SLC35F1: variants seen among roughly 807,000 people sequenced by gnomAD.
The protein encoded by SLC35F1 is solute carrier family 35 member F1.
A neutral mutation model predicts 48.7 loss-of-function variants in SLC35F1; 14 were observed. That is an observed-to-expected ratio of 0.29 (90% CI 0.19 to 0.45). The LOEUF is 0.45. SLC35F1 is among the 20% of genes least tolerant of loss of function. SLC35F1 has a pLI of 1.00. For missense variants in SLC35F1, 404 were observed against 500.0 expected (o/e 0.81, Z 1.83); for synonymous variants, 190 against 202.2 (o/e 0.94, Z 0.51).
intron 2 of SLC35F1, among the ~76,000 whole-genome samples, chr6:118,188,985 G>C (rs1414518444): frequency 6.6e-6 from 1 of 152,084 alleles, no homozygotes; most frequent in African/African-American, 2.4e-5. Flanking sequence ...AGTCATGGCT[G>C]ACTGCAGCCT....
intron 1 of SLC35F1, among the ~76,000 whole-genome samples, chr6:118,033,370 C>A (rs750485397): frequency 3.3e-5 from 5 of 152,092 alleles, no homozygotes; most frequent in Non-Finnish European, 5.9e-5. Flanking sequence ...CATTAAGATG[C>A]ATATTCCTTG....
At chr6:117,996,381 A>T (rs1247098317) in intron 1 of SLC35F1, among the ~76,000 whole-genome samples, 2 of 152,178 alleles carry the variant, frequency 1.3e-5, no homozygotes, top group Admixed American at 1.3e-4. Flanking sequence ...GAGTGATGCA[A>T]AAGACAGGTG....
At chr6:118,196,951 T>G (rs941979696) in intron 2 of SLC35F1, among the ~76,000 whole-genome samples, 2 of 151,928 alleles carry the variant, frequency 1.3e-5, no homozygotes, top group Non-Finnish European at 2.9e-5. Flanking sequence ...AGAGACTGTC[T>G]TTTCCCCCAT....
intron 1 of SLC35F1, among the ~76,000 whole-genome samples, chr6:117,977,792 T>C (rs775878809): frequency 6.6e-5 from 10 of 152,150 alleles, no homozygotes; most frequent in Non-Finnish European, 1.0e-4. Context: ...GTTTTGGTCA[T>C]TGATTTTTCT....
Position 118,314,799 on chromosome 6 carries a change from G to C in SLC35F1, c.*547G>C, listed in dbSNP as rs760090277. 52 of 156,470 alleles carry C rather than the reference G, an allele frequency of 3.3e-4. No homozygotes were observed. Among genetic ancestry groups the C allele is most frequent in the Non-Finnish European group, 6.4e-4 (45 of 70,242 alleles). 9.7% of individuals were successfully genotyped at this position (156,470 alleles called of 1,614,324 possible). A position where few individuals can be genotyped will look rare whatever the true frequency, so the allele number is the denominator to read the frequency against. ...TGGTTAATGGTTTCCTCTGTTACCT[G>C]TTGGATTGCCTGCTCAATAAGTATT... On this transcript the variant is annotated 3_prime_UTR_variant, in exon 8 of 8. Transcript: ENST00000360388.
chr6:118,198,580 TTTAGAAAAA>T (rs1458092130), intron 2 of SLC35F1, among the ~76,000 whole-genome samples: 1 of 152,222 alleles, frequency 6.6e-6, no homozygotes, highest in Non-Finnish European at 1.5e-5. Flanking sequence ...CATAATTTAT[TTTAGAAAAA>T]TTAGAAAATA....
In SLC35F1 at chr6:118,316,919, A is replaced by G. The variant is rs185019581; in HGVS notation, c.*2667A>G. On this transcript the variant is annotated 3_prime_UTR_variant, in exon 8 of 8. Transcript: ENST00000360388. ...GAGTTCCAGACTGACCCTCCAGGAAAAAAAAAATCGCAAAGAACAAATTCT... is the reference window on the plus strand; with the variant it reads ...GAGTTCCAGACTGACCCTCCAGGAAGAAAAAAATCGCAAAGAACAAATTCT... 6.5e-6 allele frequency: 1 copy of G among 152,712 alleles called. No homozygotes were observed. Among genetic ancestry groups the G allele is most frequent in the East Asian group, 1.9e-4 (1 of 5,178 alleles). The allele number at this position is 152,712 out of a possible 1,614,324, so 9.5% of individuals were successfully genotyped here. A position where few individuals can be genotyped will look rare whatever the true frequency, so the allele number is the denominator to read the frequency against.
intron 2 of SLC35F1, 98 bp downstream of exon 2, chr6:118,154,718 A>G (rs1774114642): frequency 8.2e-7 from 1 of 1,214,496 alleles, no homozygotes; most frequent in Middle Eastern, 2.2e-4. Context: ...GCATCAGTTA[A>G]GATCATTGAA....
rs576407011 is a variant in SLC35F1 at position 117,984,313 on chromosome 6, C to T, written c.173+76414C>T. Reference sequence around the variant, plus strand: ...CGAGGTCAGGAGATCACCTGGCTAACGCAGTGAAACCCTGTCTCTACTAAA... The same window carrying T: ...CGAGGTCAGGAGATCACCTGGCTAATGCAGTGAAACCCTGTCTCTACTAAA... On this transcript the variant is annotated intron_variant, in intron 1 of 7. Transcript: ENST00000360388. Among the ~76,000 whole-genome samples the T allele has an allele frequency of 5.3e-5, 8 of 152,026 alleles. No homozygotes were observed. In the South Asian group the frequency reaches 6.2e-4, roughly 12 times the overall value.
chr6:118,197,697 T>TGTTGG (rs911757962), intron 2 of SLC35F1, among the ~76,000 whole-genome samples: 1 of 151,760 alleles, frequency 6.6e-6, no homozygotes, highest in Non-Finnish European at 1.5e-5. Context: ...AACAATTCAG[T>TGTTGG]GTTGGTTTTC....
intron 1 of SLC35F1, among the ~76,000 whole-genome samples, chr6:118,126,423 C>T (rs191222064): frequency 7.9e-5 from 12 of 152,232 alleles, no homozygotes; most frequent in African/African-American, 2.2e-4. Flanking sequence ...ATGATGCCTC[C>T]GGCTTTGTTC....
At chr6:118,281,987 T>C (rs1053081461) in intron 6 of SLC35F1, among the ~76,000 whole-genome samples, 3 of 152,236 alleles carry the variant, frequency 2.0e-5, no homozygotes, top group Admixed American at 2.0e-4. Flanking sequence ...TCTCTGTAGC[T>C]TAAATCACTT....
At chr6:118,253,873 A>G (rs1221157756) in intron 3 of SLC35F1, among the ~76,000 whole-genome samples, 2 of 152,056 alleles carry the variant, frequency 1.3e-5, no homozygotes, top group African/African-American at 2.4e-5. Context: ...CTGTAGATTG[A>G]TCTTCACAGG....
intron 2 of SLC35F1, among the ~76,000 whole-genome samples, chr6:118,179,335 G>GTGTAAGTC (rs1268206798): frequency 1.3e-5 from 2 of 152,138 alleles, no homozygotes; most frequent in Non-Finnish European, 2.9e-5. Flanking sequence ...GGAGCTGTTG[G>GTGTAAGTC]TGTAAGTCTC....
intron 2 of SLC35F1, among the ~76,000 whole-genome samples, chr6:118,202,265 C>A (rs566485537): frequency 1.3e-5 from 2 of 152,142 alleles, no homozygotes; most frequent in African/African-American, 4.8e-5. Context: ...GAGGCTGATG[C>A]AGGAGGATTG....
At chr6:118,272,381 A>T (rs1428998178) in intron 4 of SLC35F1, among the ~76,000 whole-genome samples, 2 of 152,182 alleles carry the variant, frequency 1.3e-5, no homozygotes, top group East Asian at 3.9e-4. Flanking sequence ...CCATTTACCC[A>T]AAATTTGTAA....
chr6:118,185,746 C>G (rs1167099767), intron 2 of SLC35F1, among the ~76,000 whole-genome samples: 1 of 152,120 alleles, frequency 6.6e-6, no homozygotes, highest in East Asian at 1.9e-4. Flanking sequence ...TGGCCACAGT[C>G]TCTGTTACTC....
At chr6:118,027,552 A>AT (rs1223326319) in intron 1 of SLC35F1, among the ~76,000 whole-genome samples, 3 of 152,064 alleles carry the variant, frequency 2.0e-5, no homozygotes, top group Non-Finnish European at 4.4e-5. Context: ...GATAGTAAAC[A>AT]TTTTTTTCAT....
chr6:117,928,315 G>C (rs1432329385), intron 1 of SLC35F1, among the ~76,000 whole-genome samples: 1 of 152,148 alleles, frequency 6.6e-6, no homozygotes, highest in Non-Finnish European at 1.5e-5. Flanking sequence ...CATCACTAGA[G>C]ATAATGTGTT....
Sources: gnomAD v4.1 joint callset for allele counts (sites outside exome capture counted in the v4.1 genomes callset) on GRCh38, gnomAD v4.1.1 for gene constraint, MANE v1.5 for transcripts, NCBI Gene and HGNC (gene_info 2026-07-23, HGNC 2026-07-21) for gene names.